The following NSD2 variants were observed in gnomAD, a reference collection of about 807,000 sequenced individuals.
NSD2 encodes histone-lysine N-methyltransferase NSD2.
A neutral mutation model predicts 139.0 loss-of-function variants in NSD2; 12 were observed. That is an observed-to-expected ratio of 0.09 (90% confidence interval 0.06 to 0.14). NSD2 has a LOEUF of 0.14. Ranked by LOEUF, NSD2 falls within the 10% of genes least tolerant of loss-of-function variation. The pLI is 1.00. For missense variants in NSD2, 1,155 were observed against 1,745.0 expected, an observed-to-expected ratio of 0.66 and a Z score of 6.02; for synonymous variants, 669 against 648.7, an observed-to-expected ratio of 1.03 and a Z score of -0.48.
chr4:1,883,145 G>A (rs1714827097), intron 1 of NSD2, among the ~76,000 whole-genome samples: 1 of 152,186 alleles, frequency 6.6e-6, no homozygotes. Context: ...TTGTCTGACA[G>A]AACCAGATGG....
Position 1,975,229 on chromosome 4 carries a change from G to T in NSD2, c.3515-65G>T. On this transcript the variant is annotated intron_variant, in intron 19 of 21. Transcript: ENST00000508803. Reference sequence around the variant, plus strand: ...GAGTATTTTTGTTGACCTAATACACGCCCCTTAGCTTTTGAAGAGAAAGGC... The same window carrying T: ...GAGTATTTTTGTTGACCTAATACACTCCCCTTAGCTTTTGAAGAGAAAGGC... 5 of 1,513,318 alleles carry T rather than the reference G, an allele frequency of 3.3e-6. No individual in the cohort carries two copies. The East Asian group carries it at 9.0e-5, about 27-fold the overall frequency. 93.7% of individuals were successfully genotyped at this position (1,513,318 alleles called of 1,614,324 possible). A position where few individuals can be genotyped will look rare whatever the true frequency, so the allele number is the denominator to read the frequency against.
intron 11 of NSD2, 94 bp downstream of exon 11, chr4:1,952,325 G>T: frequency 6.4e-7 from 1 of 1,550,618 alleles, no homozygotes; most frequent in South Asian, 1.2e-5. Flanking sequence ...GCCTGCAGAG[G>T]ACAAGCCCCC....
At chr4:1,924,866 G>T (rs1560662418) in intron 5 of NSD2, among the ~76,000 whole-genome samples, 1 of 152,156 alleles carries the variant, frequency 6.6e-6, no homozygotes, top group East Asian at 1.9e-4. Flanking sequence ...GGTCGAGGCT[G>T]CAGTGAGCCA....
rs1727499024 is a variant in NSD2 at position 1,979,246 on chromosome 4, A to G, written c.*337A>G. ...GTTAATTGGCATATGGAATGTTTTA[A>G]TCTCCTCTGAAATGTGTAGCGTAGG... is the stretch of plus-strand genomic sequence containing the variant. On this transcript the variant is annotated 3_prime_UTR_variant, in exon 22 of 22. Coordinates refer to ENST00000508803, the MANE Select transcript of NSD2 (RefSeq NM_001042424.3). The G allele has an allele frequency of 7.0e-6, 2 of 283,716 alleles. No homozygotes were observed. The highest frequency in any genetic ancestry group is 1.3e-5 in the Non-Finnish European group (2 of 152,500). 17.6% of individuals were successfully genotyped at this position (283,716 alleles called of 1,614,324 possible).
intron 18 of NSD2, among the ~76,000 whole-genome samples, chr4:1,964,637 CGTT>C (rs1560783281): frequency 6.6e-6 from 1 of 152,022 alleles, no homozygotes; most frequent in African/African-American, 2.4e-5. Flanking sequence ...GCTGCGCTGC[CGTT>C]GTTATCACAC....
At chr4:1,952,754 G>T in intron 11 of NSD2, 1 of 1,092,246 alleles carries the variant, frequency 9.2e-7, no homozygotes, top group Non-Finnish European at 1.1e-6. Flanking sequence ...TGCATCAGGT[G>T]TCGCCCGGCA....
chr4:1,959,927 T>A (rs1371616448), intron 17 of NSD2, among the ~76,000 whole-genome samples, 187 bp downstream of exon 17: 1 of 152,166 alleles, frequency 6.6e-6, no homozygotes, highest in Admixed American at 6.5e-5. Flanking sequence ...GTGGCATGAT[T>A]GTAGTTCACT....
chr4:1,947,775 A>T (rs1168571146), intron 9 of NSD2: 1 of 1,048,626 alleles, frequency 9.5e-7, no homozygotes, highest in Non-Finnish European at 1.2e-6. Flanking sequence ...TTATAGAAAT[A>T]TTTATTGTTC....
intron 1 of NSD2, among the ~76,000 whole-genome samples, chr4:1,879,441 A>C (rs752867832): frequency 1.3e-5 from 2 of 152,034 alleles, no homozygotes; most frequent in African/African-American, 4.8e-5. Context: ...GGATGGTCTC[A>C]ATCTCCTGAC....
intron 3 of NSD2, among the ~76,000 whole-genome samples, chr4:1,911,608 G>GAA (rs1241442182): frequency 9.5e-6 from 1 of 104,766 alleles, no homozygotes; most frequent in Non-Finnish European, 2.0e-5. Context: ...AAAAAAAAAA[G>GAA]AAAAAAAAAA....
At chr4:1,878,518 G>T (rs1482766805) in intron 1 of NSD2, among the ~76,000 whole-genome samples, 2 of 151,936 alleles carry the variant, frequency 1.3e-5, no homozygotes, top group Non-Finnish European at 2.9e-5. Context: ...GCTGCATTGG[G>T]TCATCTGTGA....
At chr4:1,928,235 C>T (rs1721190352) in intron 5 of NSD2, among the ~76,000 whole-genome samples, 1 of 152,052 alleles carries the variant, frequency 6.6e-6, no homozygotes, top group Admixed American at 6.6e-5. Context: ...AAGAAGTGGC[C>T]ACTATTGAGT....
At position 1,980,841 on chromosome 4, in the gene NSD2, CAA is replaced by C. The variant is rs1482638487; in HGVS notation, c.*1934_*1935del. On this transcript the variant is annotated 3_prime_UTR_variant, in exon 22 of 22. Transcript: ENST00000508803. Reference sequence around the variant, plus strand: ...TTCCAGTTCAGACTCTAACTTCTCCCAAAGTGTCCTAAGAAAATACTGGATCG... The same window carrying C: ...TTCCAGTTCAGACTCTAACTTCTCCCAGTGTCCTAAGAAAATACTGGATCG... 4 of 233,174 alleles carry C rather than the reference CAA, an allele frequency of 1.7e-5. No homozygotes were observed. Among genetic ancestry groups the C allele is most frequent in the Admixed American group, 1.1e-4 (2 of 17,784 alleles). The allele number at this position is 233,174 out of a possible 1,614,324, so 14.4% of individuals were successfully genotyped here.
chr4:1,945,181 C>T, intron 9 of NSD2: 1 of 1,065,352 alleles, frequency 9.4e-7, no homozygotes, highest in Non-Finnish European at 1.1e-6. Context: ...ACACAGAAGC[C>T]TAGGTAGATT....
rs777124736 is a variant in NSD2 at position 1,918,188 on chromosome 4, C to T, written c.975C>T (p.Gly325=). ...AATTGAGGGCCCAGTGGGAAATGGG[C>T]ATTGTTCAAGCAGAAGAAGCTGCAA... ...SGKLRAQWEM[G]IVQAEEAASM... Residue 325 remains glycine, a synonymous_variant, in exon 5 of 22, where the codon GGC becomes GGT. Transcript: ENST00000508803. The T allele has an allele frequency of 3.7e-6, 6 of 1,612,918 alleles. No homozygotes were observed. Among genetic ancestry groups the T allele is most frequent in the African/African-American group, 1.3e-5 (1 of 74,632 alleles).
At chr4:1,897,205 G>T (rs1212956444) in intron 1 of NSD2, among the ~76,000 whole-genome samples, 1 of 151,930 alleles carries the variant, frequency 6.6e-6, no homozygotes, top group Non-Finnish European at 1.5e-5. Context: ...GTTTGGGCTG[G>T]GTGCAGTGTC....
At chr4:1,904,127 G>C in intron 2 of NSD2, 89 bp from the exon 3 acceptor site, 1 of 1,432,082 alleles carries the variant, frequency 7.0e-7, no homozygotes, top group Non-Finnish European at 9.5e-7. Flanking sequence ...TGTGTATTTG[G>C]ACATTGTAGC....
intron 1 of NSD2, among the ~76,000 whole-genome samples, chr4:1,888,622 A>G (rs1281654314): frequency 2.0e-5 from 3 of 151,890 alleles, no homozygotes; most frequent in Non-Finnish European, 4.4e-5. Flanking sequence ...GCTGGATTGC[A>G]GTGGCAATCT....
chr4:1,883,271 C>A (rs1714838505), intron 1 of NSD2, among the ~76,000 whole-genome samples: 1 of 152,116 alleles, frequency 6.6e-6, no homozygotes, highest in South Asian at 2.1e-4. Flanking sequence ...TTGTGGACTT[C>A]CTTAGCTCAA....
Sources: allele counts gnomAD v4.1 joint callset (sites outside exome capture counted in the v4.1 genomes callset), GRCh38; gene constraint gnomAD v4.1.1; transcripts MANE v1.5; gene names NCBI Gene and HGNC (gene_info 2026-07-23, HGNC 2026-07-21).